Variants in CLNK observed in about 807,000 individuals in gnomAD.
CLNK encodes the protein cytokine-dependent hematopoietic cell linker.
A neutral mutation model predicts 68.6 loss-of-function variants in CLNK; 74 were observed. The ratio of observed to expected loss-of-function variants is 1.08; its 90% confidence interval spans 0.89 to 1.31. The LOEUF is 1.31. CLNK is among the 50% of genes most tolerant of loss of function. The pLI is 0.00. For synonymous variants in CLNK, 198 were observed against 172.2 expected, an observed-to-expected ratio of 1.15 and a Z score of -1.17; for missense variants, 553 against 515.3, an observed-to-expected ratio of 1.07 and a Z score of -0.71.
At chr4:10,524,108 G>GGAA (rs1303288996) in intron 14 of CLNK, 4 of 198,728 alleles carry the variant, frequency 2.0e-5, no homozygotes, top group African/African-American at 4.8e-5. Context: ...AGGAGGAGGA[G>GGAA]GAGGAGGAGG....
intron 2 of CLNK, among the ~76,000 whole-genome samples, chr4:10,600,376 T>C (rs759385475): frequency 6.6e-6 from 1 of 152,208 alleles, no homozygotes; most frequent in Non-Finnish European, 1.5e-5. Flanking sequence ...CAAATAGTTA[T>C]TGGGTTTATT....
chr4:10,609,887 A>G (rs1721941019), intron 2 of CLNK, among the ~76,000 whole-genome samples: 2 of 152,158 alleles, frequency 1.3e-5, no homozygotes, highest in African/African-American at 4.8e-5. Flanking sequence ...TCATCTGTCC[A>G]AGCTAACCAG....
At chr4:10,709,138 G>C in the CLNK span, among the ~76,000 whole-genome samples, 1 of 152,172 alleles carries the variant, frequency 6.6e-6, no homozygotes, top group Non-Finnish European at 1.5e-5. Flanking sequence ...CAGGGATCTT[G>C]AGTTTCAGAC....
chr4:10,536,184 C>T (rs557930059), intron 11 of CLNK, among the ~76,000 whole-genome samples: 1 of 152,312 alleles, frequency 6.6e-6, no homozygotes, highest in African/African-American at 2.4e-5. Flanking sequence ...ACCATTGATA[C>T]AGTTGATTGC....
intron 17 of CLNK, among the ~76,000 whole-genome samples, chr4:10,501,927 C>G (rs112955566): frequency 6.6e-6 from 1 of 152,100 alleles, no homozygotes; most frequent in African/African-American, 2.4e-5. Flanking sequence ...ACTCTGGTTC[C>G]AAAACAAAAA....
chr4:10,644,217 C>G (rs1723423347), intron 2 of CLNK, among the ~76,000 whole-genome samples: 1 of 152,316 alleles, frequency 6.6e-6, no homozygotes, highest in South Asian at 2.1e-4. Context: ...CCCAAATCTT[C>G]AGGCACAAGC....
intron 11 of CLNK, among the ~76,000 whole-genome samples, chr4:10,535,238 A>T (rs866430925): frequency 6.6e-6 from 1 of 151,228 alleles, no homozygotes; most frequent in African/African-American, 2.4e-5. Context: ...AAAGAAAGAA[A>T]GAAAGAAAGA....
the CLNK span, among the ~76,000 whole-genome samples, chr4:10,699,224 G>GTGTGTGTATACACACACACACACCACGTA: frequency 2.7e-5 from 1 of 37,510 alleles, no homozygotes; most frequent in African/African-American, 8.0e-5. Context: ...CACCACATAT[G>GTGTGTGTATACACACACACACACCACGTA]TGTGTGTATA....
chr4:10,523,145 T>C (rs1012984143), intron 14 of CLNK, among the ~76,000 whole-genome samples: 6 of 152,184 alleles, frequency 3.9e-5, no homozygotes, highest in Non-Finnish European at 7.3e-5. Context: ...TTTAGAGATA[T>C]AATTTTGGGA....
chr4:10,622,099 C>T (rs1722480334), intron 2 of CLNK, among the ~76,000 whole-genome samples: 1 of 152,186 alleles, frequency 6.6e-6, no homozygotes, highest in Non-Finnish European at 1.5e-5. Flanking sequence ...AATTTGAGTT[C>T]TTAAAATCCA....
intron 15 of CLNK, among the ~76,000 whole-genome samples, chr4:10,520,568 T>C (rs367601931): frequency 6.6e-6 from 1 of 152,204 alleles, no homozygotes; most frequent in Admixed American, 6.5e-5. Context: ...CTAGTGTTGA[T>C]AGCATAATAA....
chr4:10,537,706 C>CCTTCCTTG (rs1553848181), intron 11 of CLNK, among the ~76,000 whole-genome samples: 1 of 13,376 alleles, frequency 7.5e-5, no homozygotes, highest in African/African-American at 2.7e-4. Flanking sequence ...TTCCTTCCTT[C>CCTTCCTTG]CTTTCTTTCT....
chr4:10,598,602 T>C (rs1248142334), intron 2 of CLNK: 4 of 388,364 alleles, frequency 1.0e-5, no homozygotes, highest in Non-Finnish European at 2.1e-5. Context: ...TGAGCTCCCA[T>C]ATCATTTAGG....
chr4:10,532,555 A>G (rs1055300276), intron 11 of CLNK, among the ~76,000 whole-genome samples: 2 of 152,260 alleles, frequency 1.3e-5, no homozygotes, highest in African/African-American at 4.8e-5. Flanking sequence ...GAAATTAAAA[A>G]ATCATCATTT....
intron 8 of CLNK, among the ~76,000 whole-genome samples, chr4:10,543,898 C>G (rs981268282): frequency 6.6e-6 from 1 of 152,216 alleles, no homozygotes; most frequent in East Asian, 1.9e-4. Flanking sequence ...CCAGGATCTA[C>G]TTCAACAACA....
At chr4:10,503,557 A>ATAT (rs1462176359) in intron 17 of CLNK, among the ~76,000 whole-genome samples, 2 of 148,514 alleles carry the variant, frequency 1.3e-5, no homozygotes, top group East Asian at 3.9e-4. Flanking sequence ...TAGATTTTAT[A>ATAT]ATAGCTATAT....
intron 14 of CLNK, among the ~76,000 whole-genome samples, chr4:10,524,251 G>A (rs1718209711): frequency 6.6e-6 from 1 of 152,128 alleles, no homozygotes; most frequent in South Asian, 2.1e-4. Flanking sequence ...AATTACTGAA[G>A]GTGCCAAATG....
chr4:10,630,301 A>T (rs778674925), intron 2 of CLNK, among the ~76,000 whole-genome samples: 6 of 152,216 alleles, frequency 3.9e-5, no homozygotes, highest in African/African-American at 1.4e-4. Context: ...ATTTGTACCC[A>T]TTGGACTCTG....
At chr4:10,493,415 G>C (rs1716674234) in intron 18 of CLNK, among the ~76,000 whole-genome samples, 1 of 152,202 alleles carries the variant, frequency 6.6e-6, no homozygotes, top group Non-Finnish European at 1.5e-5. Context: ...CCAAGATCGA[G>C]GCACTGGCAG....
Sources: gnomAD v4.1 joint callset for allele counts (sites outside exome capture counted in the v4.1 genomes callset) on GRCh38, gnomAD v4.1.1 for gene constraint, MANE v1.5 for transcripts, NCBI Gene and HGNC (gene_info 2026-07-23, HGNC 2026-07-21) for gene names.